ULK4: variants seen among roughly 807,000 people sequenced by gnomAD.
The protein encoded by ULK4 is unc-51 like kinase 4, also known as inactive serine/threonine-protein kinase ULK4.
In ULK4, 133 loss-of-function variants were observed where a neutral mutation model predicts 160.6. The observed-to-expected ratio is 0.83, with a 90% CI of 0.72 to 0.96. The LOEUF (loss-of-function observed/expected upper bound fraction) is 0.96. Among genes scored for constraint, ULK4 ranks in the 40% least tolerant of loss-of-function variants. The probability of loss-of-function intolerance (pLI) is 0.00; values close to 1 mark genes in which losing one functional copy is unlikely to be tolerated. For synonymous variants in ULK4, 534 were observed against 539.8 expected (o/e 0.99, Z 0.15); for missense variants, 1,580 against 1,499.5 (o/e 1.05, Z -0.89).
intron 22 of ULK4, among the ~76,000 whole-genome samples, chr3:41,730,853 C>A (rs2037798288): frequency 6.6e-6 from 1 of 152,108 alleles, no homozygotes; most frequent in African/African-American, 2.4e-5. Context: ...TGTAATTCAT[C>A]CCAGGGATGC....
chr3:41,572,913 C>T (rs73830245), intron 31 of ULK4, among the ~76,000 whole-genome samples: 9,210 of 152,090 alleles, frequency 0.061, 830 homozygotes, highest in African/African-American at 0.2. Flanking sequence ...CACTTGTGTT[C>T]GCACTGGCTG....
chr3:41,809,177 A>C (rs1307780044), intron 19 of ULK4, among the ~76,000 whole-genome samples: 1 of 94,724 alleles, frequency 1.1e-5, no homozygotes, highest in Admixed American at 1.0e-4. Flanking sequence ...AAAAAAAAAC[A>C]AAAAAAAAAA....
intron 22 of ULK4, among the ~76,000 whole-genome samples, chr3:41,748,802 T>C (rs148165187): frequency 2.0e-5 from 3 of 152,220 alleles, no homozygotes; most frequent in Non-Finnish European, 4.4e-5. Context: ...ATTAATAGTA[T>C]GCTATGAATA....
At chr3:41,798,089 G>A (rs190897124) in intron 20 of ULK4, among the ~76,000 whole-genome samples, 1 of 152,152 alleles carries the variant, frequency 6.6e-6, no homozygotes, top group Non-Finnish European at 1.5e-5. Flanking sequence ...CAAGTAATAA[G>A]AAGCCCAAGA....
chr3:41,568,831 C>T (rs1432045794), intron 31 of ULK4, among the ~76,000 whole-genome samples: 4 of 152,136 alleles, frequency 2.6e-5, no homozygotes, highest in East Asian at 1.9e-4. Context: ...CCCCATAGGG[C>T]GAGGGCTCAG....
At chr3:41,533,049 G>A (rs577959051) in intron 32 of ULK4, among the ~76,000 whole-genome samples, 1 of 152,314 alleles carries the variant, frequency 6.6e-6, no homozygotes, top group South Asian at 2.1e-4. Context: ...CTGCCACCAT[G>A]TTTAAAAACC....
At chr3:41,334,250 T>C (rs1028535751) in intron 35 of ULK4, among the ~76,000 whole-genome samples, 2 of 152,152 alleles carry the variant, frequency 1.3e-5, no homozygotes, top group Non-Finnish European at 2.9e-5. Context: ...TTGTTGAAAT[T>C]ATCTCTGCGA....
intron 34 of ULK4, among the ~76,000 whole-genome samples, chr3:41,398,982 A>G (rs906944581): frequency 2.6e-5 from 4 of 152,014 alleles, no homozygotes; most frequent in Non-Finnish European, 5.9e-5. Flanking sequence ...TGAAATATAT[A>G]TTATTATTAA....
At chr3:41,485,381 C>A (rs2084488040) in intron 32 of ULK4, among the ~76,000 whole-genome samples, 1 of 152,126 alleles carries the variant, frequency 6.6e-6, no homozygotes, top group African/African-American at 2.4e-5. Context: ...GAATGCTTCC[C>A]ATAGGAAGTT....
chr3:41,756,187 C>T (rs757910929), intron 21 of ULK4, among the ~76,000 whole-genome samples: 4 of 152,120 alleles, frequency 2.6e-5, no homozygotes, highest in Admixed American at 1.3e-4. Flanking sequence ...TTTCCTTTCT[C>T]CCACGCCCAA....
intron 21 of ULK4, among the ~76,000 whole-genome samples, chr3:41,770,957 C>G (rs989557604): frequency 6.6e-6 from 1 of 152,160 alleles, no homozygotes; most frequent in African/African-American, 2.4e-5. Flanking sequence ...TCTCCCCAAA[C>G]AAAACAACTA....
At chr3:41,804,600 C>G (rs1249797538) in intron 19 of ULK4, among the ~76,000 whole-genome samples, 24 of 151,514 alleles carry the variant, frequency 1.6e-4, no homozygotes, top group African/African-American at 2.9e-4. Context: ...GTCTTCTAGG[C>G]TTTTTATGGT....
chr3:41,394,654 T>C (rs917842530), intron 35 of ULK4, among the ~76,000 whole-genome samples: 5 of 152,140 alleles, frequency 3.3e-5, no homozygotes, highest in African/African-American at 1.2e-4. Flanking sequence ...TTTGCACCAG[T>C]GCAAAGTTGA....
intron 35 of ULK4, among the ~76,000 whole-genome samples, chr3:41,379,354 C>T (rs1339431311): frequency 3.9e-5 from 6 of 151,958 alleles, no homozygotes; most frequent in Admixed American, 3.9e-4. Flanking sequence ...GAAATGAGAG[C>T]CCTAATCATT....
At chr3:41,359,229 G>A (rs1373631403) in intron 35 of ULK4, among the ~76,000 whole-genome samples, 1 of 152,230 alleles carries the variant, frequency 6.6e-6, no homozygotes, top group Non-Finnish European at 1.5e-5. Context: ...AGCCAAGTGG[G>A]CGAAGATGTG....
chr3:41,503,267 TC>T, intron 32 of ULK4, among the ~76,000 whole-genome samples: 1 of 152,208 alleles, frequency 6.6e-6, no homozygotes, highest in Non-Finnish European at 1.5e-5. Flanking sequence ...ACATTTAATT[TC>T]AAAACTCTCA....
At chr3:41,644,931 T>A (rs1289118367) in intron 30 of ULK4, among the ~76,000 whole-genome samples, 1 of 152,192 alleles carries the variant, frequency 6.6e-6, no homozygotes, top group Non-Finnish European at 1.5e-5. Context: ...GGAGGGTGTA[T>A]GTGTCGAGGA....
chr3:41,773,234 G>A (rs147171266), intron 21 of ULK4, among the ~76,000 whole-genome samples: 10,659 of 152,180 alleles, frequency 0.07, 1,172 homozygotes, highest in African/African-American at 0.23. Context: ...AATCAGGCAG[G>A]AGAAGGAAAT....
intron 12 of ULK4, among the ~76,000 whole-genome samples, chr3:41,905,232 G>T (rs1395891901): frequency 6.6e-6 from 1 of 152,208 alleles, no homozygotes; most frequent in African/African-American, 2.4e-5. Flanking sequence ...AATGGGGAAA[G>T]AATAAGCTTT....
Sources: gnomAD v4.1 joint callset for allele counts (sites outside exome capture counted in the v4.1 genomes callset) on GRCh38, gnomAD v4.1.1 for gene constraint, MANE v1.5 for transcripts, NCBI Gene and HGNC (gene_info 2026-07-23, HGNC 2026-07-21) for gene names.